KDM6A: variants seen among roughly 807,000 people sequenced by gnomAD.
The protein encoded by KDM6A is lysine demethylase 6A, also known as lysine-specific demethylase 6A.
Under a neutral mutation model 117.6 loss-of-function variants are expected in KDM6A, and 11 were observed. That is an observed-to-expected ratio of 0.09 (90% confidence interval 0.06 to 0.15). KDM6A has a LOEUF of 0.15. Among genes scored for constraint, KDM6A ranks in the 10% least tolerant of loss-of-function variants. The probability of loss-of-function intolerance (pLI) is 1.00; values close to 1 mark genes in which losing one functional copy is unlikely to be tolerated. For synonymous variants in KDM6A, 384 were observed against 396.1 expected (o/e 0.97, Z 0.36); for missense variants, 799 against 1,077.3 (o/e 0.74, Z 3.62).
intron 2 of KDM6A, among the ~76,000 whole-genome samples, chrX:44,887,712 G>A (rs1201150708): frequency 1.8e-5 from 2 of 111,179 alleles, no homozygotes; most frequent in East Asian, 2.8e-4. Flanking sequence ...CAGCCTGAGT[G>A]CTCAAAATGC....
Position 45,090,737 on chromosome X carries a change from T to C in KDM6A, c.3907T>C (p.Leu1303=). The C allele has an allele frequency of 8.3e-7, 1 of 1,209,749 alleles. No homozygotes were observed. The highest frequency in any genetic ancestry group is 1.1e-6 in the Non-Finnish European group (1 of 894,364). Residue 1303 remains leucine (L), a synonymous_variant, in exon 27 of 30, where the codon TTG becomes CTG. Transcript: ENST00000611820. The stretch of plus-strand genomic sequence containing the variant: ...TTTTTTCCTAGCCTGCCAGTATAAA[T>C]TGGCAGTGGAACGGTACGAATGGAA... ...VGPLTACQYK[L]AVERYEWNKL...
At chrX:44,994,482 A>G (rs1197714346) in intron 4 of KDM6A, among the ~76,000 whole-genome samples, 1 of 112,002 alleles carries the variant, frequency 8.9e-6, no homozygotes, top group African/African-American at 3.2e-5. Context: ...GTGTATATAT[A>G]CCACGTTTTC....
intron 2 of KDM6A, among the ~76,000 whole-genome samples, chrX:44,949,507 G>T (rs1209334075): frequency 1.8e-5 from 2 of 111,303 alleles, no homozygotes; most frequent in Non-Finnish European, 3.8e-5. Context: ...TATTTTGGGG[G>T]AGGGTCCTTT....
chrX:45,058,082 C>A (rs1245220683), intron 10 of KDM6A, among the ~76,000 whole-genome samples: 1 of 77,559 alleles, frequency 1.3e-5, no homozygotes, highest in African/African-American at 4.8e-5. Flanking sequence ...CTCTCCCCCC[C>A]CCCCCTTTTT....
At chrX:44,996,899 T>C (rs1295475956) in intron 4 of KDM6A, among the ~76,000 whole-genome samples, 1 of 111,394 alleles carries the variant, frequency 9.0e-6, no homozygotes, top group African/African-American at 3.3e-5. Flanking sequence ...ACAAAAGATG[T>C]GAGTATTCAT....
At chrX:44,975,609 T>C (rs12396352) in intron 4 of KDM6A, among the ~76,000 whole-genome samples, 13,258 of 111,758 alleles carry the variant, frequency 0.12, 907 homozygotes, top group African/African-American at 0.26. Flanking sequence ...TCACATGCTA[T>C]AAAATTATAG....
rs779979560 is a variant in KDM6A at position 44,992,206 on chromosome X, C to CTTTTTTTTTTTTTTTTTTTTTTTTT, written c.384+17502_384+17526dup. On this transcript the variant is annotated intron_variant, in intron 4 of 29. Coordinates refer to ENST00000611820, the MANE Select transcript of KDM6A (RefSeq NM_001291415.2). ...CGAAATTTAGCAATACTGTCTTCTT[C>CTTTTTTTTTTTTTTTTTTTTTTTTT]TTTTTTTTTTTTTTTTTTTTTTTTT... Among the ~76,000 whole-genome samples, 2 of 32,039 alleles carry CTTTTTTTTTTTTTTTTTTTTTTTTT rather than the reference C, an allele frequency of 6.2e-5. 1 individual carries two copies. The highest frequency in any genetic ancestry group is 1.2e-4 in the Non-Finnish European group (2 of 17,127). The allele number at this position is 32,039 out of a possible 115,157, so 27.8% of individuals were successfully genotyped here. A position where few individuals can be genotyped will look rare whatever the true frequency, so the allele number is the denominator to read the frequency against.
In KDM6A at chrX:44,875,422, T is replaced by C. The variant is rs180923018; in HGVS notation, c.225+1435T>C. ...AATGCTTTTCAGTAAGCCCGGCCCC[T>C]TTGACCGATACAGAAAACTTGAATT... On this transcript the variant is annotated intron_variant, in intron 2 of 29. Coordinates refer to ENST00000611820, the MANE Select transcript of KDM6A (RefSeq NM_001291415.2). Among the ~76,000 whole-genome samples the C allele has an allele frequency of 2.6e-3, 287 of 111,684 alleles. 1 individual carries two copies. Among genetic ancestry groups the C allele is most frequent in the African/African-American group, 8.7e-3 (267 of 30,754 alleles).
At chrX:45,025,327 T>C (rs2042325856) in intron 6 of KDM6A, among the ~76,000 whole-genome samples, 1 of 111,630 alleles carries the variant, frequency 9.0e-6, no homozygotes, top group African/African-American at 3.3e-5. Flanking sequence ...CACACCTGGC[T>C]AATTTTTGTA....
At chrX:45,006,647 G>A (rs189643083) in intron 4 of KDM6A, among the ~76,000 whole-genome samples, 65 of 111,437 alleles carry the variant, frequency 5.8e-4, no homozygotes, top group Non-Finnish European at 9.4e-4. Flanking sequence ...GAGTCAGGGT[G>A]CAATCAGTAA....
At chrX:45,041,340 C>G (rs1466425950) in intron 8 of KDM6A, among the ~76,000 whole-genome samples, 1 of 93,085 alleles carries the variant, frequency 1.1e-5, no homozygotes, top group Non-Finnish European at 2.2e-5. Flanking sequence ...GGCGACTGGC[C>G]GGGCAGAGGG....
chrX:45,010,226 T>C (rs1321555270), intron 4 of KDM6A, among the ~76,000 whole-genome samples: 1 of 110,558 alleles, frequency 9.0e-6, no homozygotes, highest in Non-Finnish European at 1.9e-5. Context: ...TCCCAGCTAC[T>C]TGGGAGACTG....
intron 2 of KDM6A, among the ~76,000 whole-genome samples, chrX:44,894,621 A>ATT (rs574868704): frequency 2.7e-4 from 27 of 99,964 alleles, no homozygotes; most frequent in South Asian, 1.8e-3. Context: ...TAATTAATTA[A>ATT]TTTTTTTTTT....
chrX:45,079,409 G>T (rs895612417), intron 21 of KDM6A, 58 bp downstream of exon 21: 3 of 865,797 alleles, frequency 3.5e-6, no homozygotes, highest in Non-Finnish European at 5.1e-6. Flanking sequence ...TTACTTTGGA[G>T]TTTTGAAAGG....
intron 4 of KDM6A, among the ~76,000 whole-genome samples, chrX:45,004,303 C>T (rs1038329935): frequency 1.8e-5 from 2 of 111,163 alleles, no homozygotes; most frequent in East Asian, 5.8e-4. Context: ...TTTCTAGCTC[C>T]CTGGAAACTG....
intron 4 of KDM6A, among the ~76,000 whole-genome samples, chrX:44,996,789 A>C (rs1434577099): frequency 8.9e-6 from 1 of 111,901 alleles, no homozygotes; most frequent in Non-Finnish European, 1.9e-5. Flanking sequence ...ATTAACTTAC[A>C]TATGCTGGTT....
At chrX:44,970,030 C>CT (rs1434527190) in intron 3 of KDM6A, among the ~76,000 whole-genome samples, 1 of 112,122 alleles carries the variant, frequency 8.9e-6, no homozygotes, top group Non-Finnish European at 1.9e-5. Flanking sequence ...AAGGATTTTA[C>CT]TAGAGAGACT....
At chrX:44,916,359 C>T (rs1002612610) in intron 2 of KDM6A, among the ~76,000 whole-genome samples, 1 of 110,293 alleles carries the variant, frequency 9.1e-6, no homozygotes, top group Non-Finnish European at 1.9e-5. Context: ...TATATTCTGT[C>T]AAAAGGATAG....
intron 2 of KDM6A, among the ~76,000 whole-genome samples, chrX:44,889,711 T>C (rs990385064): frequency 2.7e-5 from 3 of 112,282 alleles, no homozygotes; most frequent in Non-Finnish European, 5.6e-5. Context: ...TCCTTAACAA[T>C]CTAACGTAAG....
Sources: allele counts gnomAD v4.1 joint callset (sites outside exome capture counted in the v4.1 genomes callset), GRCh38; gene constraint gnomAD v4.1.1; transcripts MANE v1.5; gene names NCBI Gene and HGNC (gene_info 2026-07-23, HGNC 2026-07-21).